The following SLTM variants were observed in gnomAD, a reference collection of about 807,000 sequenced individuals.
SLTM encodes SAFB like transcription modulator, also known as SAFB-like transcription modulator.
Under a neutral mutation model 134.6 loss-of-function variants are expected in SLTM, and 43 were observed. The observed-to-expected ratio is 0.32, with a 90% CI of 0.25 to 0.41. The LOEUF is 0.41. Ranked by LOEUF, SLTM falls within the 10% of genes least tolerant of loss-of-function variation. The probability of loss-of-function intolerance (pLI) is 1.00; values close to 1 mark genes in which losing one functional copy is unlikely to be tolerated. For synonymous variants in SLTM, 424 were observed against 432.3 expected (o/e 0.98, Z 0.24); for missense variants, 1,055 against 1,288.8 (o/e 0.82, Z 2.78).
intron 6 of SLTM, 72 bp from the exon 7 acceptor site, chr15:58,900,009 T>G (rs2035354896): frequency 1.7e-6 from 2 of 1,208,688 alleles, no homozygotes; most frequent in Non-Finnish European, 2.3e-6. Flanking sequence ...TAAGCTAGAA[T>G]AGGACCTAGA....
At chr15:58,910,019 A>G (rs1454276927) in intron 5 of SLTM, among the ~76,000 whole-genome samples, 6 of 152,238 alleles carry the variant, frequency 3.9e-5, no homozygotes, top group Non-Finnish European at 8.8e-5. Context: ...TTTAAACAGC[A>G]TATAATAGAG....
At chr15:58,906,475 G>C (rs944010465) in intron 5 of SLTM, among the ~76,000 whole-genome samples, 1 of 152,136 alleles carries the variant, frequency 6.6e-6, no homozygotes, top group Admixed American at 6.5e-5. Flanking sequence ...AAGCAGCAAT[G>C]ACTACTAAGA....
chr15:58,903,684 T>C (rs2035653153), intron 5 of SLTM, among the ~76,000 whole-genome samples: 1 of 147,954 alleles, frequency 6.8e-6, no homozygotes, highest in Non-Finnish European at 1.5e-5. Context: ...ACTTAAAGTA[T>C]AATAATAATA....
At position 58,909,658 on chromosome 15, in the gene SLTM, T is replaced by C. The variant is rs72745067; in HGVS notation, c.561+2905A>G. Among the ~76,000 whole-genome samples, 526 of 152,340 alleles carry C rather than the reference T, an allele frequency of 3.5e-3. 3 individuals carry two copies. The highest frequency in any genetic ancestry group is 5.4e-3 in the Non-Finnish European group (368 of 68,042). ...TGTGCATCCAAATAGAAGAATACAG[T>C]ACTACACCTATGAGGTGGCTGTGTG... is the stretch of plus-strand genomic sequence containing the variant. On this transcript the variant is annotated intron_variant, in intron 5 of 20. Transcript: ENST00000380516.
In SLTM at chr15:58,933,490, G is replaced by T; in HGVS notation, c.76C>A (p.Arg26=). The T allele has an allele frequency of 1.3e-6, 2 of 1,599,394 alleles. No homozygotes were observed. Among genetic ancestry groups the T allele is most frequent in the South Asian group, 2.2e-5 (2 of 89,364 alleles). The change falls in exon 1 of 21, where the codon CGG becomes AGG. Residue 26 remains arginine, a synonymous_variant. Coordinates refer to ENST00000380516, the MANE Select transcript of SLTM (RefSeq NM_024755.4). The stretch of plus-strand genomic sequence containing the variant: ...AGCTCGGACTTCAGATCGATGACCC[G>T]CAGATCGGTGATCTTTTTACCTTCC... ...QAEGKKITDL[R]VIDLKSELKR...
chr15:58,889,808 C>T (rs1374157259), intron 15 of SLTM, among the ~76,000 whole-genome samples: 3 of 152,154 alleles, frequency 2.0e-5, no homozygotes, highest in Non-Finnish European at 4.4e-5. Flanking sequence ...TTTAATCATT[C>T]GACTAAAACA....
At chr15:58,923,065 A>G (rs1286028818) in intron 2 of SLTM, among the ~76,000 whole-genome samples, 1 of 152,108 alleles carries the variant, frequency 6.6e-6, no homozygotes, top group African/African-American at 2.4e-5. Flanking sequence ...TGCTGGACAC[A>G]TGGAAAACAG....
At position 58,888,484 on chromosome 15, in the gene SLTM, G is replaced by A; in HGVS notation, c.2276C>T (p.Ser759Phe). The A allele has an allele frequency of 6.2e-7, 1 of 1,613,818 alleles. No homozygotes were observed. ...LDTDARFGHG[S>F]DYSRQQNRFN... ...TCTGTTCTGTTGGCGAGAGTAGTCG[G>A]ATCCATGGCCAAATCGTGCATCTGT... is the stretch of plus-strand genomic sequence containing the variant. Residue 759 changes from serine (S) to phenylalanine (F), a missense_variant, in exon 17 of 21, where the codon TCC (serine) becomes TTC (phenylalanine). Ser to Phe is a radical substitution (Grantham distance 155). Transcript: ENST00000380516.
intron 17 of SLTM, 98 bp downstream of exon 17, chr15:58,888,287 C>T (rs1427233090): frequency 2.0e-6 from 2 of 1,009,390 alleles, no homozygotes; most frequent in East Asian, 5.1e-5. Flanking sequence ...TCTGAGCATT[C>T]AGTTCTGACC....
chr15:58,933,670 T>C lies in SLTM; in HGVS notation c.-105A>G. 1 of 1,327,500 alleles carries C rather than the reference T, an allele frequency of 7.5e-7. No homozygotes were observed. 82.2% of individuals were successfully genotyped at this position (1,327,500 alleles called of 1,614,324 possible). ...GGCGGCCGCCGGCGCCGCGCAGCGC[T>C]GCGCACAATGAGCCGCTGGCCCCTC... is the stretch of plus-strand genomic sequence containing the variant. On this transcript the variant is annotated 5_prime_UTR_variant, in exon 1 of 21. Transcript: ENST00000380516.
intron 4 of SLTM, 200 bp from the exon 5 acceptor site, chr15:58,912,810 A>G: frequency 2.0e-6 from 1 of 510,010 alleles, no homozygotes; most frequent in Non-Finnish European, 3.5e-6. Flanking sequence ...AGAATTAGAA[A>G]TATTTCTCTT....
intron 5 of SLTM, among the ~76,000 whole-genome samples, chr15:58,911,515 C>A (rs117071551): frequency 1.3e-5 from 2 of 152,102 alleles, no homozygotes; most frequent in African/African-American, 2.4e-5. Flanking sequence ...ACTCCCTTCA[C>A]GGGGGATGCA....
chr15:58,902,609 C>A (rs2035564657), intron 5 of SLTM, among the ~76,000 whole-genome samples: 1 of 151,738 alleles, frequency 6.6e-6, no homozygotes, highest in Non-Finnish European at 1.5e-5. Context: ...CCGGGCTGGT[C>A]TGGAACTCCC....
At chr15:58,920,732 G>A (rs776827288) in intron 2 of SLTM, among the ~76,000 whole-genome samples, 95 of 152,034 alleles carry the variant, frequency 6.2e-4, no homozygotes, top group Middle Eastern at 3.4e-3. Context: ...GAGGTGGGCA[G>A]ATCACGTGAG....
At chr15:58,887,194 C>CA in intron 18 of SLTM, 32 bp downstream of exon 18, 1 of 1,611,602 alleles carries the variant, frequency 6.2e-7, no homozygotes, top group African/African-American at 1.3e-5. Flanking sequence ...TGCATGAGAC[C>CA]ACTAGGAAAG....
chr15:58,905,225 A>G (rs1466557951), intron 5 of SLTM, among the ~76,000 whole-genome samples: 2 of 152,260 alleles, frequency 1.3e-5, no homozygotes, highest in Non-Finnish European at 2.9e-5. Flanking sequence ...TTGGAAAGGA[A>G]AGAAAAACGC....
chr15:58,923,481 C>T (rs1173525861), intron 2 of SLTM, among the ~76,000 whole-genome samples: 2 of 152,160 alleles, frequency 1.3e-5, no homozygotes, highest in East Asian at 1.9e-4. Flanking sequence ...TGTGTAACCC[C>T]ATCCTGTCAA....
intron 2 of SLTM, among the ~76,000 whole-genome samples, chr15:58,930,025 C>G (rs1421350476): frequency 2.0e-5 from 3 of 152,102 alleles, no homozygotes; most frequent in African/African-American, 7.2e-5. Flanking sequence ...ACAAGATTTT[C>G]ATAACAATGA....
At chr15:58,910,760 T>C (rs1469888290) in intron 5 of SLTM, among the ~76,000 whole-genome samples, 1 of 151,110 alleles carries the variant, frequency 6.6e-6, no homozygotes, top group African/African-American at 2.4e-5. Context: ...TTTTTTTTTT[T>C]TTCAAGACAA....
Sources: allele counts gnomAD v4.1 joint callset (sites outside exome capture counted in the v4.1 genomes callset), GRCh38; gene constraint gnomAD v4.1.1; transcripts MANE v1.5; gene names NCBI Gene and HGNC (gene_info 2026-07-23, HGNC 2026-07-21).